ILDR1: variants seen among roughly 807,000 people sequenced by gnomAD.
ILDR1 encodes immunoglobulin like domain containing receptor 1, also known as immunoglobulin-like domain-containing receptor 1.
A neutral mutation model predicts 62.4 loss-of-function variants in ILDR1; 56 were observed. The ratio of observed to expected loss-of-function variants is 0.90; its 90% CI spans 0.72 to 1.12. The LOEUF (loss-of-function observed/expected upper bound fraction) is 1.12, where lower values mean the gene tolerates loss of function less well. Among genes scored for constraint, ILDR1 ranks in the 50% most tolerant of loss-of-function variants. The probability of loss-of-function intolerance (pLI) is 0.00; values close to 1 mark genes in which losing one functional copy is unlikely to be tolerated. For missense variants in ILDR1, 736 were observed against 710.6 expected, an observed-to-expected ratio of 1.04 and a Z score of -0.41; for synonymous variants, 284 against 277.8, an observed-to-expected ratio of 1.02 and a Z score of -0.22.
intron 2 of ILDR1, among the ~76,000 whole-genome samples, chr3:122,005,642 C>T (rs944712746): frequency 1.3e-5 from 2 of 152,028 alleles, no homozygotes; most frequent in African/African-American, 4.8e-5. Flanking sequence ...AGACTCCTGA[C>T]CATCATTTTC....
chr3:122,032,863 G>A, the ILDR1 span, among the ~76,000 whole-genome samples: 2 of 152,212 alleles, frequency 1.3e-5, no homozygotes, highest in African/African-American at 4.8e-5. Context: ...TGTTCCAGCT[G>A]CAGTCCAGTC....
At chr3:121,989,845 C>T (rs2071313320) in intron 7 of ILDR1, among the ~76,000 whole-genome samples, 1 of 148,086 alleles carries the variant, frequency 6.8e-6, no homozygotes. Flanking sequence ...GCATGGAAGC[C>T]CTTGTTTGTC....
At chr3:121,997,353 G>A (rs2071451803) in intron 5 of ILDR1, among the ~76,000 whole-genome samples, 1 of 152,146 alleles carries the variant, frequency 6.6e-6, no homozygotes, top group Non-Finnish European at 1.5e-5. Flanking sequence ...TTTAGCTTTA[G>A]GAAACTACCA....
the ILDR1 span, among the ~76,000 whole-genome samples, chr3:122,054,831 C>A: frequency 2.5e-3 from 382 of 152,078 alleles, 2 homozygotes; most frequent in African/African-American, 8.7e-3. Flanking sequence ...TCAGAATATT[C>A]GCTTTCATCA....
rs371505275 is a variant in ILDR1, at chr3:122,007,122, C to T, written c.98G>A (p.Arg33His). 49 of 1,614,012 alleles carry T rather than the reference C, an allele frequency of 3.0e-5. 1 individual carries two copies. The highest frequency in any genetic ancestry group is 3.3e-4 in the Middle Eastern group (2 of 6,084). Reference protein sequence around the residue: ...SLLVTVQHTERYVTLFASIIL... With the variant: ...SLLVTVQHTEHYVTLFASIIL... ...GATAGAGGCAAACAGGGTGACATAG[C>T]GTTCTGTGTGCTGGACCGTCACAAG... The change falls in exon 2 of 8, where the codon CGC (arginine) becomes CAC (histidine). Residue 33 changes from arginine to histidine, a missense_variant. Coordinates refer to ENST00000344209, the MANE Select transcript of ILDR1 (RefSeq NM_001199799.2).
the ILDR1 span, among the ~76,000 whole-genome samples, chr3:122,053,459 C>G: frequency 6.6e-6 from 1 of 151,962 alleles, no homozygotes; most frequent in Non-Finnish European, 1.5e-5. Context: ...AATGTATATA[C>G]TAAATATATT....
intron 7 of ILDR1, among the ~76,000 whole-genome samples, chr3:121,992,215 C>A (rs1247201568): frequency 3.3e-5 from 5 of 152,214 alleles, no homozygotes; most frequent in African/African-American, 1.2e-4. Flanking sequence ...CAGCTCACTG[C>A]AACCTCCTCT....
At chr3:122,029,609 G>T in the ILDR1 span, among the ~76,000 whole-genome samples, 1 of 151,278 alleles carries the variant, frequency 6.6e-6, no homozygotes, top group Non-Finnish European at 1.5e-5. Flanking sequence ...GGATTAGCGG[G>T]TGCTTTAGCT....
At chr3:122,005,162 T>C (rs2071584522) in intron 3 of ILDR1, 82 bp downstream of exon 3, 1 of 993,066 alleles carries the variant, frequency 1.0e-6, no homozygotes, top group Admixed American at 2.1e-5. Flanking sequence ...AAATGGGAAA[T>C]CCCATGCTGA....
At chr3:122,047,168 A>G in the ILDR1 span, among the ~76,000 whole-genome samples, 3 of 148,994 alleles carry the variant, frequency 2.0e-5, no homozygotes, top group East Asian at 4.0e-4. Flanking sequence ...GTCTGTTGGA[A>G]TACCCTGCCG....
At position 121,987,572 on chromosome 3, in the gene ILDR1, C is replaced by T. The variant is rs1418819195; in HGVS notation, c.*795G>A. The T allele has an allele frequency of 1.3e-5, 2 of 152,242 alleles. No individual in the cohort carries two copies. Among genetic ancestry groups the T allele is most frequent in the African/African-American group, 4.8e-5 (2 of 41,420 alleles). The allele number at this position is 152,242 out of a possible 1,614,324, so 9.4% of individuals were successfully genotyped here. A position where few individuals can be genotyped will look rare whatever the true frequency, so the allele number is the denominator to read the frequency against. On this transcript the variant is annotated 3_prime_UTR_variant, in exon 8 of 8. Transcript: ENST00000344209. The stretch of plus-strand genomic sequence containing the variant: ...TTACAATAAATAGTCCATTTATGGG[C>T]TGGCAGGATAAACTCCTAACAAGAA...
chr3:122,034,083 A>G, the ILDR1 span, among the ~76,000 whole-genome samples: 1 of 152,202 alleles, frequency 6.6e-6, no homozygotes, highest in East Asian at 1.9e-4. Flanking sequence ...TGGAATTTTT[A>G]TGTTATTAAG....
At chr3:121,997,163 A>T (rs2071449235) in intron 5 of ILDR1, among the ~76,000 whole-genome samples, 1 of 152,160 alleles carries the variant, frequency 6.6e-6, no homozygotes, top group Non-Finnish European at 1.5e-5. Flanking sequence ...GGCCTCCCAA[A>T]GTACTGGGAT....
intron 1 of ILDR1, among the ~76,000 whole-genome samples, chr3:122,011,565 G>T (rs73855492): frequency 6.6e-6 from 1 of 151,224 alleles, no homozygotes; most frequent in Non-Finnish European, 1.5e-5. Flanking sequence ...GCCATCTTGA[G>T]CTCATTCACA....
chr3:122,032,873 C>T, the ILDR1 span, among the ~76,000 whole-genome samples: 14 of 152,214 alleles, frequency 9.2e-5, no homozygotes, highest in Non-Finnish European at 1.8e-4. Flanking sequence ...GCAGTCCAGT[C>T]TTCGGAAGAA....
the ILDR1 span, among the ~76,000 whole-genome samples, chr3:122,053,080 C>G: frequency 1.3e-5 from 2 of 152,266 alleles, no homozygotes; most frequent in Admixed American, 1.3e-4. Flanking sequence ...TTCTGGATTT[C>G]TCACAAAAGG....
chr3:121,991,901 C>T (rs2071353957), intron 7 of ILDR1, among the ~76,000 whole-genome samples: 1 of 152,234 alleles, frequency 6.6e-6, no homozygotes, highest in African/African-American at 2.4e-5. Flanking sequence ...TGACAGACTA[C>T]ACTTCTTCTT....
At chr3:122,017,338 C>T (rs994558445) in intron 1 of ILDR1, among the ~76,000 whole-genome samples, 15 of 151,774 alleles carry the variant, frequency 9.9e-5, no homozygotes, top group Non-Finnish European at 1.9e-4. Context: ...CGTGAGCCAC[C>T]GTGCCCGGCC....
At chr3:122,050,391 A>G in the ILDR1 span, among the ~76,000 whole-genome samples, 2 of 151,862 alleles carry the variant, frequency 1.3e-5, no homozygotes, top group Non-Finnish European at 2.9e-5. Flanking sequence ...TGGTGACATG[A>G]TTTTATACCT....
Sources: gnomAD v4.1 joint callset for allele counts (sites outside exome capture counted in the v4.1 genomes callset) on GRCh38, gnomAD v4.1.1 for gene constraint, MANE v1.5 for transcripts, NCBI Gene and HGNC (gene_info 2026-07-23, HGNC 2026-07-21) for gene names.